Variants in KIDINS220 observed in about 807,000 individuals in gnomAD.
KIDINS220 encodes the protein kinase D interacting substrate 220, also known as kinase D-interacting substrate of 220 kDa.
KIDINS220 carries 63 observed loss-of-function variants against 157.6 expected under a neutral mutation model. The ratio of observed to expected loss-of-function variants is 0.40; its 90% CI spans 0.33 to 0.49. KIDINS220 has a LOEUF of 0.49. KIDINS220 is among the 20% of genes least tolerant of loss of function. The pLI is 0.66. For synonymous variants in KIDINS220, 732 were observed against 783.6 expected (o/e 0.93, Z 1.10); for missense variants, 1,772 against 2,171.2 (o/e 0.82, Z 3.65).
At chr2:8,811,392 G>A (rs906780227) in intron 6 of KIDINS220, among the ~76,000 whole-genome samples, 1 of 152,078 alleles carries the variant, frequency 6.6e-6, no homozygotes, top group Non-Finnish European at 1.5e-5. Flanking sequence ...AATAGGTTAT[G>A]TGCCCTAATG....
rs1038716146 is a variant in KIDINS220 at position 8,786,280 on chromosome 2, G to A, written c.1865C>T (p.Ser622Leu). The A allele has an allele frequency of 1.3e-5, 21 of 1,613,928 alleles. No individual in the cohort carries two copies. The highest frequency in any genetic ancestry group is 3.3e-5 in the Admixed American group (2 of 60,004). The change falls in exon 16 of 30, where the codon TCG becomes TTG. Residue 622 changes from serine (S) to leucine (L), a missense_variant. Transcript: ENST00000256707. Reference protein sequence around the residue: ...TSLAEMIATLSDACEREFGFL... With the variant: ...TSLAEMIATLLDACEREFGFL... ...GCCAAACTCTCTTTCACAAGCATCC[G>A]AGAGGGTTGCAATCATTTCAGCCAG...
Position 8,793,801 on chromosome 2 carries a change from A to G in KIDINS220, c.1276+9T>C. 6.3e-7 allele frequency: 1 copy of G among 1,581,190 alleles called. No individual in the cohort carries two copies. Among genetic ancestry groups the G allele is most frequent in the Non-Finnish European group, 8.6e-7 (1 of 1,166,364 alleles). ...AAAAGCTCAGTTAGGAGCAAAACTC[A>G]ATACTTACTGGCTCCAAATATTTGA... On this transcript the variant is annotated intron_variant, in intron 12 of 29. Transcript: ENST00000256707.
intron 26 of KIDINS220, chr2:8,737,311 G>A (rs143371606): frequency 2.0e-5 from 4 of 195,288 alleles, no homozygotes; most frequent in Admixed American, 5.6e-5. Flanking sequence ...GAAGGGTGCC[G>A]TGCTTAATAA....
At chr2:8,765,250 C>T (rs1271890920) in intron 22 of KIDINS220, among the ~76,000 whole-genome samples, 1 of 152,222 alleles carries the variant, frequency 6.6e-6, no homozygotes, top group East Asian at 1.9e-4. Flanking sequence ...TTGATATGCA[C>T]AGACCATCAT....
At chr2:8,740,619 G>A (rs1289830285) in intron 26 of KIDINS220, among the ~76,000 whole-genome samples, 2 of 152,076 alleles carry the variant, frequency 1.3e-5, no homozygotes, top group Non-Finnish European at 2.9e-5. Context: ...CCACACTGTA[G>A]GTCATGTTCA....
chr2:8,751,084 AG>A (rs1232393032), intron 23 of KIDINS220, among the ~76,000 whole-genome samples: 1 of 152,072 alleles, frequency 6.6e-6, no homozygotes, highest in Non-Finnish European at 1.5e-5. Flanking sequence ...ATCCCTGTTA[AG>A]AACCAAAGAC....
At chr2:8,801,958 G>A (rs992038054) in intron 8 of KIDINS220, among the ~76,000 whole-genome samples, 5 of 152,152 alleles carry the variant, frequency 3.3e-5, no homozygotes, top group African/African-American at 9.7e-5. Flanking sequence ...AGACCTTCCC[G>A]AGGAGGAAAC....
intron 22 of KIDINS220, among the ~76,000 whole-genome samples, chr2:8,763,565 GCTA>G (rs776532232): frequency 1.1e-4 from 17 of 152,304 alleles, no homozygotes; most frequent in Admixed American, 7.8e-4. Context: ...TAATATATTA[GCTA>G]CTACTTTTAT....
At position 8,827,127 on chromosome 2, in the gene KIDINS220, T is replaced by C. The variant is rs1434129000; in HGVS notation, c.-34A>G. 3.4e-6 allele frequency: 4 copies of C among 1,184,376 alleles called. No homozygotes were observed. The highest frequency in any genetic ancestry group is 3.9e-5 in the Admixed American group (2 of 51,322). 73.4% of individuals were successfully genotyped at this position (1,184,376 alleles called of 1,614,324 possible). Reference sequence around the variant, plus strand: ...AAAGCTGCAATTAACTTTATTTGAATACCTGTTAAATTAGACAAAATACAC... The same window carrying C: ...AAAGCTGCAATTAACTTTATTTGAACACCTGTTAAATTAGACAAAATACAC... On this transcript the variant is annotated splice_region_variant and 5_prime_UTR_variant, in exon 2 of 30. Coordinates refer to ENST00000256707, the MANE Select transcript of KIDINS220 (RefSeq NM_020738.4).
downstream of KIDINS220, chr2:8,722,941 T>C (rs1026133975): frequency 1.3e-5 from 2 of 152,230 alleles, no homozygotes; most frequent in Non-Finnish European, 2.9e-5. Context: ...CACACTTCTC[T>C]AAAACCCTTC....
intron 25 of KIDINS220, chr2:8,747,461 G>T: frequency 1.9e-6 from 1 of 515,542 alleles, no homozygotes; most frequent in East Asian, 3.3e-5. Context: ...CCCTTATCTT[G>T]TTTAATTCCT....
chr2:8,742,917 C>T (rs550540610), intron 26 of KIDINS220, among the ~76,000 whole-genome samples: 2 of 152,296 alleles, frequency 1.3e-5, no homozygotes, highest in South Asian at 2.1e-4. Flanking sequence ...TGAAAATGTG[C>T]TTTTCAATGA....
intron 7 of KIDINS220, among the ~76,000 whole-genome samples, chr2:8,805,593 C>T (rs1275832046): frequency 6.6e-6 from 1 of 152,128 alleles, no homozygotes; most frequent in African/African-American, 2.4e-5. Context: ...CAAAGATACT[C>T]TTATTGCTGT....
intron 12 of KIDINS220, 86 bp downstream of exon 12, chr2:8,793,724 C>T (rs1673516528): frequency 2.4e-6 from 3 of 1,230,244 alleles, no homozygotes; most frequent in South Asian, 1.6e-5. Flanking sequence ...CAGGCATGAG[C>T]CACCATGCCT....
At chr2:8,758,327 T>A (rs1404605852) in intron 22 of KIDINS220, among the ~76,000 whole-genome samples, 3 of 152,032 alleles carry the variant, frequency 2.0e-5, no homozygotes, top group Non-Finnish European at 2.9e-5. Context: ...CTGGAAAAAA[T>A]ACTTGAGAAA....
chr2:8,781,924 C>A (rs1219772423), intron 17 of KIDINS220, among the ~76,000 whole-genome samples: 4 of 151,966 alleles, frequency 2.6e-5, no homozygotes, highest in Non-Finnish European at 5.9e-5. Flanking sequence ...GAGTTCGAGA[C>A]CAGTGTGGGG....
rs70946383 is a variant in KIDINS220, at chr2:8,781,153, A to ATATATAATAT, written c.2230-1340_2230-1339insATATTATATA. Among the ~76,000 whole-genome samples the ATATATAATAT allele has an allele frequency of 1.2e-3, 153 of 130,388 alleles. 2 individuals carry two copies. Among genetic ancestry groups the ATATATAATAT allele is most frequent in the African/African-American group, 4.0e-3 (140 of 35,190 alleles). 85.5% of individuals were successfully genotyped at this position (130,388 alleles called of 152,430 possible). A position where few individuals can be genotyped will look rare whatever the true frequency, so the allele number is the denominator to read the frequency against. Reference sequence around the variant, plus strand: ...ACTATATTAATTATTATATATATATAATATATATATATTAAAGGGGGGCAT... The same window carrying ATATATAATAT: ...ACTATATTAATTATTATATATATATATATATAATATATATATATATATTAAAGGGGGGCAT... On this transcript the variant is annotated intron_variant, in intron 17 of 29. Coordinates refer to ENST00000256707, the MANE Select transcript of KIDINS220 (RefSeq NM_020738.4).
chr2:8,747,029 C>T, intron 26 of KIDINS220, 116 bp downstream of exon 26: 1 of 847,026 alleles, frequency 1.2e-6, no homozygotes, highest in Non-Finnish European at 2.0e-6. Context: ...ACACTAGCTG[C>T]TCATCACACC....
downstream of KIDINS220, chr2:8,727,071 G>A (rs536919177): frequency 2.7e-5 from 27 of 986,696 alleles, no homozygotes; most frequent in Middle Eastern, 3.0e-4. Context: ...TTGTCTATAC[G>A]TTTCTATTTT....
Sources: gnomAD v4.1 joint callset for allele counts (sites outside exome capture counted in the v4.1 genomes callset) on GRCh38, gnomAD v4.1.1 for gene constraint, MANE v1.5 for transcripts, NCBI Gene and HGNC (gene_info 2026-07-23, HGNC 2026-07-21) for gene names.